Variants in SOX5 observed in about 807,000 individuals in gnomAD.
The protein encoded by SOX5 is SRY-box transcription factor 5.
In SOX5, 9 loss-of-function variants were observed where a neutral mutation model predicts 92.0. The ratio of observed to expected loss-of-function variants is 0.10; its 90% CI spans 0.06 to 0.17. The LOEUF is 0.17. SOX5 is among the 10% of genes least tolerant of loss of function. SOX5 has a pLI of 1.00. For missense variants in SOX5, 642 were observed against 944.5 expected (o/e 0.68, Z 4.20); for synonymous variants, 344 against 336.3 (o/e 1.02, Z -0.25).
chr12:24,313,609 AAC>A (rs1413226017), intron 2 of SOX5, among the ~76,000 whole-genome samples: 1 of 152,194 alleles, frequency 6.6e-6, no homozygotes, highest in Non-Finnish European at 1.5e-5. Flanking sequence ...CTTGATGATG[AAC>A]TGATCACTCG....
At chr12:23,648,157 A>T (rs1400521308) in intron 7 of SOX5, among the ~76,000 whole-genome samples, 2 of 152,208 alleles carry the variant, frequency 1.3e-5, no homozygotes, top group African/African-American at 4.8e-5. Context: ...ATATAATAAT[A>T]ATCAAGTTTG....
chr12:23,846,728 C>T (rs1164704929), intron 2 of SOX5, among the ~76,000 whole-genome samples: 1 of 152,044 alleles, frequency 6.6e-6, no homozygotes, highest in Non-Finnish European at 1.5e-5. Flanking sequence ...GTTTTTCCAC[C>T]TCCCTCTCCT....
At chr12:23,753,202 C>T (rs1156559989) in intron 4 of SOX5, among the ~76,000 whole-genome samples, 4 of 151,744 alleles carry the variant, frequency 2.6e-5, no homozygotes, top group Non-Finnish European at 5.9e-5. Context: ...AAACACTTCT[C>T]TAAACCCTTC....
In SOX5 at chr12:23,714,992, G is replaced by A. The variant is rs547156269; in HGVS notation, c.810+19692C>T. 3.3e-5 allele frequency among the ~76,000 whole-genome samples: 5 copies of A among 152,156 alleles called. No individual in the cohort carries two copies. The East Asian group carries it at 5.8e-4, about 18-fold the overall frequency. On this transcript the variant is annotated intron_variant, in intron 6 of 14. Transcript: ENST00000451604. Reference sequence around the variant, plus strand: ...TAGATAGTGAAATTGCATGGTATTGGTTACAGTTAATAACTATCTTTGAGA... The same window carrying A: ...TAGATAGTGAAATTGCATGGTATTGATTACAGTTAATAACTATCTTTGAGA...
intron 4 of SOX5, among the ~76,000 whole-genome samples, chr12:23,979,698 GTTTTTTTTGTTTT>G (rs1437422439): frequency 1.7e-4 from 11 of 64,704 alleles, no homozygotes; most frequent in East Asian, 7.8e-4. Context: ...ATATATATAT[GTTTTTTTTGTTTT>G]TTTTTTTTTT....
intron 4 of SOX5, among the ~76,000 whole-genome samples, chr12:24,063,266 TC>T (rs1247015493): frequency 5.9e-5 from 9 of 152,320 alleles, no homozygotes; most frequent in African/African-American, 2.2e-4. Context: ...TATGTCTTAA[TC>T]ATAATTTTAT....
chr12:24,168,478 A>T (rs1325073647), intron 4 of SOX5, among the ~76,000 whole-genome samples: 1 of 152,218 alleles, frequency 6.6e-6, no homozygotes, highest in Non-Finnish European at 1.5e-5. Context: ...GTATTTCAAT[A>T]GAGATACTAA....
At chr12:23,818,830 C>T (rs2096052011) in intron 3 of SOX5, among the ~76,000 whole-genome samples, 1 of 151,968 alleles carries the variant, frequency 6.6e-6, no homozygotes, top group South Asian at 2.1e-4. Flanking sequence ...TTGTTAAACA[C>T]TAAGAAACAA....
intron 3 of SOX5, among the ~76,000 whole-genome samples, chr12:23,789,574 A>G (rs973192760): frequency 6.6e-6 from 1 of 152,140 alleles, no homozygotes; most frequent in Non-Finnish European, 1.5e-5. Context: ...TAGATCTTGA[A>G]AGGCTAATTT....
chr12:24,444,332 A>T (rs1941136853), intron 1 of SOX5, among the ~76,000 whole-genome samples: 1 of 151,158 alleles, frequency 6.6e-6, no homozygotes, highest in Non-Finnish European at 1.5e-5. Flanking sequence ...GATTATCCCT[A>T]CTCCATAGAT....
At chr12:24,517,425 C>T (rs971898191) in intron 1 of SOX5, among the ~76,000 whole-genome samples, 1 of 151,960 alleles carries the variant, frequency 6.6e-6, no homozygotes, top group Admixed American at 6.6e-5. Flanking sequence ...ATGGCAGTTA[C>T]AAGAAAGGGG....
intron 10 of SOX5, among the ~76,000 whole-genome samples, chr12:23,572,052 C>T (rs1353996179): frequency 1.3e-5 from 2 of 152,112 alleles, no homozygotes; most frequent in African/African-American, 4.8e-5. Context: ...CTATTCATAC[C>T]TTTTAAGGAT....
intron 6 of SOX5, among the ~76,000 whole-genome samples, chr12:23,670,237 TATA>T (rs1454854425): frequency 1.3e-5 from 2 of 152,116 alleles, no homozygotes; most frequent in African/African-American, 4.8e-5. Context: ...AAGCTGAATT[TATA>T]ATAACACCAC....
At chr12:24,247,843 G>A (rs941478154) in intron 3 of SOX5, among the ~76,000 whole-genome samples, 13 of 151,530 alleles carry the variant, frequency 8.6e-5, no homozygotes, top group South Asian at 2.1e-4. Context: ...TAGTAGAGAC[G>A]GGGTTTCACC....
rs1488389700 is a variant in SOX5, at chr12:23,855,556, T to C, written c.271-9363A>G. 3.3e-5 allele frequency among the ~76,000 whole-genome samples: 5 copies of C among 152,142 alleles called. No individual in the cohort carries two copies. The East Asian group carries it at 9.6e-4, about 29-fold the overall frequency. On this transcript the variant is annotated intron_variant, in intron 2 of 14. Coordinates refer to ENST00000451604, the MANE Select transcript of SOX5 (RefSeq NM_006940.6). ...TTTTTATGTCATGTTTCTATCTTTC[T>C]CTTTCTTTTTCTGAGATGTGCACAT...
At chr12:23,923,006 C>T (rs1425033741) in intron 1 of SOX5, among the ~76,000 whole-genome samples, 4 of 150,954 alleles carry the variant, frequency 2.6e-5, no homozygotes, top group African/African-American at 9.7e-5. Flanking sequence ...AGTGCAGTGG[C>T]GCCATCTCGG....
At chr12:24,480,427 A>C (rs887835823) in intron 1 of SOX5, among the ~76,000 whole-genome samples, 1 of 152,190 alleles carries the variant, frequency 6.6e-6, no homozygotes, top group Non-Finnish European at 1.5e-5. Flanking sequence ...AATGTTAAAA[A>C]GCTTCTGTGC....
At chr12:24,557,627 C>T (rs976690043) in intron 1 of SOX5, among the ~76,000 whole-genome samples, 14 of 151,984 alleles carry the variant, frequency 9.2e-5, no homozygotes, top group Non-Finnish European at 1.8e-4. Context: ...ATACAAACTG[C>T]GTATCAAACT....
At chr12:24,103,482 G>A (rs549476017) in intron 4 of SOX5, among the ~76,000 whole-genome samples, 1 of 151,934 alleles carries the variant, frequency 6.6e-6, no homozygotes, top group South Asian at 2.1e-4. Flanking sequence ...AGCCTCCCAA[G>A]TAGCTAGGAC....
Sources: allele counts gnomAD v4.1 joint callset (sites outside exome capture counted in the v4.1 genomes callset), GRCh38; gene constraint gnomAD v4.1.1; transcripts MANE v1.5; gene names NCBI Gene and HGNC (gene_info 2026-07-23, HGNC 2026-07-21).